HPSE2: variants seen among roughly 807,000 people sequenced by gnomAD.
The protein encoded by HPSE2 is heparanase 2 (inactive).
A neutral mutation model predicts 60.5 loss-of-function variants in HPSE2; 38 were observed. The ratio of observed to expected loss-of-function variants is 0.63; its 90% CI spans 0.48 to 0.82. HPSE2 has a LOEUF of 0.82. HPSE2 is among the 40% of genes least tolerant of loss of function. The probability of loss-of-function intolerance (pLI) is 0.00; values close to 1 mark genes in which losing one functional copy is unlikely to be tolerated. For missense variants in HPSE2, 713 were observed against 740.4 expected (o/e 0.96, Z 0.43); for synonymous variants, 295 against 293.2 (o/e 1.01, Z -0.06).
At chr10:99,315,106 T>C in the HPSE2 span, among the ~76,000 whole-genome samples, 2 of 152,240 alleles carry the variant, frequency 1.3e-5, no homozygotes, top group South Asian at 2.1e-4. Context: ...AAGATATTTT[T>C]TAAAACTAGG....
intron 3 of HPSE2, among the ~76,000 whole-genome samples, chr10:98,804,988 T>C (rs1167945602): frequency 6.6e-6 from 1 of 152,142 alleles, no homozygotes; most frequent in Non-Finnish European, 1.5e-5. Context: ...AACAACAACA[T>C]GGATGGATCT....
At position 98,726,968 on chromosome 10, in the gene HPSE2, A is replaced by T. The variant is rs145308065; in HGVS notation, c.785-5140T>A. ...CAGAGATGCACTGGCAAAAGGTGGAAGGCTTACTGGCTCACGGGAATTAAG... is the reference window on the plus strand; with the variant it reads ...CAGAGATGCACTGGCAAAAGGTGGATGGCTTACTGGCTCACGGGAATTAAG... On this transcript the variant is annotated intron_variant, in intron 4 of 11. Transcript: ENST00000370552. 8.7e-4 allele frequency among the ~76,000 whole-genome samples: 133 copies of T among 152,306 alleles called. 1 individual carries two copies. Among genetic ancestry groups the T allele is most frequent in the Admixed American group, 2.7e-3 (41 of 15,292 alleles).
At chr10:98,545,146 A>G (rs10883125) in intron 9 of HPSE2, among the ~76,000 whole-genome samples, 129,484 of 152,024 alleles carry the variant, frequency 0.85, 56,348 homozygotes, top group East Asian at 1. Flanking sequence ...AGGATCTGAA[A>G]TTGTGGCAAT....
the HPSE2 span, among the ~76,000 whole-genome samples, chr10:99,251,461 C>T: frequency 6.6e-6 from 1 of 152,206 alleles, no homozygotes; most frequent in African/African-American, 2.4e-5. Context: ...TCCAAAAAAT[C>T]GAGGAGGAGG....
chr10:98,593,783 A>C (rs1469640654), intron 9 of HPSE2, among the ~76,000 whole-genome samples: 3 of 152,186 alleles, frequency 2.0e-5, no homozygotes, highest in Non-Finnish European at 2.9e-5. Context: ...CAATATCTCC[A>C]GTTATATTAA....
intron 8 of HPSE2, among the ~76,000 whole-genome samples, chr10:98,615,962 C>A (rs2133977164): frequency 2.0e-5 from 3 of 152,252 alleles, no homozygotes; most frequent in Middle Eastern, 6.8e-3. Context: ...CCCTAGACCC[C>A]ATTTCCCACA....
intron 3 of HPSE2, among the ~76,000 whole-genome samples, chr10:98,811,185 C>A (rs1478097673): frequency 1.3e-5 from 2 of 152,106 alleles, no homozygotes; most frequent in Non-Finnish European, 2.9e-5. Flanking sequence ...ATTTACAGCT[C>A]AGTTCAAATG....
At chr10:98,719,581 G>C (rs1948870736) in intron 5 of HPSE2, among the ~76,000 whole-genome samples, 2 of 151,492 alleles carry the variant, frequency 1.3e-5, no homozygotes, top group Non-Finnish European at 2.9e-5. Flanking sequence ...TGTAATTAGA[G>C]GGCAAGGGGG....
At position 98,459,250 on chromosome 10, in the gene HPSE2, G is replaced by T; in HGVS notation, c.*324C>A. ...CTGTGTGACAGGATCATGGGGAGTTGTCTGGAAACATTTCTCCTGGGAGTG... is the reference window on the plus strand; with the variant it reads ...CTGTGTGACAGGATCATGGGGAGTTTTCTGGAAACATTTCTCCTGGGAGTG... On this transcript the variant is annotated 3_prime_UTR_variant, in exon 12 of 12. Coordinates refer to ENST00000370552, the MANE Select transcript of HPSE2 (RefSeq NM_021828.5). 2.7e-6 allele frequency: 1 copy of T among 377,224 alleles called. No homozygotes were observed. Among genetic ancestry groups the T allele is most frequent in the Non-Finnish European group, 5.1e-6 (1 of 197,018 alleles). 23.4% of individuals were successfully genotyped at this position (377,224 alleles called of 1,614,324 possible).
At chr10:98,608,362 C>T (rs1021742217) in intron 9 of HPSE2, among the ~76,000 whole-genome samples, 9 of 152,162 alleles carry the variant, frequency 5.9e-5, no homozygotes, top group Admixed American at 5.9e-4. Context: ...CTTGCATCGG[C>T]GTGAGCTGTT....
At chr10:98,980,080 G>A (rs1386852553) in intron 3 of HPSE2, among the ~76,000 whole-genome samples, 1 of 152,118 alleles carries the variant, frequency 6.6e-6, no homozygotes, top group South Asian at 2.1e-4. Flanking sequence ...AATCAACCTA[G>A]TGTTCTACAA....
At chr10:98,857,416 C>G (rs7091295) in intron 3 of HPSE2, among the ~76,000 whole-genome samples, 121,253 of 152,082 alleles carry the variant, frequency 0.8, 48,653 homozygotes, top group South Asian at 0.84. Context: ...ATTGTGAGTT[C>G]GAATAGAAAC....
intron 6 of HPSE2, among the ~76,000 whole-genome samples, chr10:98,686,023 A>C (rs1161009402): frequency 6.6e-6 from 1 of 152,112 alleles, no homozygotes; most frequent in East Asian, 1.9e-4. Flanking sequence ...TGATACTTGC[A>C]ATTTTGTACT....
intron 3 of HPSE2, among the ~76,000 whole-genome samples, chr10:99,001,913 G>A (rs185995459): frequency 1.3e-3 from 191 of 152,090 alleles, no homozygotes; most frequent in Non-Finnish European, 2.3e-3. Context: ...ATTAGTTTAG[G>A]CTTTACAGGC....
rs546984038 is a variant in HPSE2, at chr10:98,546,107, G to C, written c.1321-55911C>G. Among the ~76,000 whole-genome samples the C allele has an allele frequency of 5.4e-4, 72 of 133,254 alleles. 7 individuals are homozygous for C. Among genetic ancestry groups the C allele is most frequent in the African/African-American group, 1.7e-3 (65 of 39,024 alleles). The allele number at this position is 133,254 out of a possible 152,430, so 87.4% of individuals were successfully genotyped here. ...AATCCAACTTACAAGGGATGTGAAG[G>C]ACCTCTTCAAGGAGAACTACAAGCC... On this transcript the variant is annotated intron_variant, in intron 9 of 11. Transcript: ENST00000370552.
rs1258910134 is a variant in HPSE2, at chr10:98,483,585, G to T, written c.1467-803C>A. Among the ~76,000 whole-genome samples, 2 of 152,178 alleles carry T rather than the reference G, an allele frequency of 1.3e-5. 1 individual carries two copies. Among genetic ancestry groups the T allele is most frequent in the East Asian group, 3.9e-4 (2 of 5,194 alleles). On this transcript the variant is annotated intron_variant, in intron 10 of 11. Transcript: ENST00000370552. ...TTCCCAGTGGTGCACCTCCCTGTGG[G>T]AAGATTTTTTCTTCCTGCCCTACTA...
At chr10:98,745,869 G>C (rs1949616762) in intron 3 of HPSE2, among the ~76,000 whole-genome samples, 1 of 152,150 alleles carries the variant, frequency 6.6e-6, no homozygotes, top group Non-Finnish European at 1.5e-5. Flanking sequence ...GGTTCTGCAA[G>C]AGATGATGCA....
At chr10:98,587,216 GT>G (rs1944963401) in intron 9 of HPSE2, among the ~76,000 whole-genome samples, 1 of 152,096 alleles carries the variant, frequency 6.6e-6, no homozygotes, top group Admixed American at 6.5e-5. Flanking sequence ...TGAATGACTT[GT>G]TTATATCTGT....
the HPSE2 span, among the ~76,000 whole-genome samples, chr10:99,286,984 C>G: frequency 1.1e-4 from 16 of 152,302 alleles, no homozygotes; most frequent in African/African-American, 3.8e-4. Flanking sequence ...AATTCACCCT[C>G]TTAATCACTA....
Sources: gnomAD v4.1 joint callset for allele counts (sites outside exome capture counted in the v4.1 genomes callset) on GRCh38, gnomAD v4.1.1 for gene constraint, MANE v1.5 for transcripts, NCBI Gene and HGNC (gene_info 2026-07-23, HGNC 2026-07-21) for gene names.